The following FAM13B variants were observed in gnomAD, a reference collection of about 807,000 sequenced individuals.
The protein encoded by FAM13B is family with sequence similarity 13 member B.
FAM13B carries 60 observed loss-of-function variants against 117.3 expected under a neutral mutation model. The ratio of observed to expected loss-of-function variants is 0.51; its 90% CI spans 0.42 to 0.63. The LOEUF (loss-of-function observed/expected upper bound fraction) is 0.63. FAM13B is among the 30% of genes least tolerant of loss of function. The pLI, the probability that FAM13B is intolerant of heterozygous loss-of-function variation, is 0.00. For synonymous variants in FAM13B, 332 were observed against 356.1 expected, an observed-to-expected ratio of 0.93 and a Z score of 0.76; for missense variants, 972 against 1,091.9, an observed-to-expected ratio of 0.89 and a Z score of 1.55.
intron 1 of FAM13B, among the ~76,000 whole-genome samples, chr5:138,025,313 A>T (rs11242412): frequency 0.69 from 76,692 of 111,192 alleles, 26,158 homozygotes; most frequent in East Asian, 0.96. Flanking sequence ...ATATATATGT[A>T]TTTTTTTTTT....
intron 10 of FAM13B, among the ~76,000 whole-genome samples, chr5:137,963,470 A>T (rs1390514088): frequency 6.6e-6 from 1 of 152,240 alleles, no homozygotes; most frequent in Admixed American, 6.5e-5. Flanking sequence ...TTTTAAATTT[A>T]CCAGTTTTAA....
chr5:137,948,374 A>T (rs897562316), intron 18 of FAM13B, among the ~76,000 whole-genome samples: 8 of 152,120 alleles, frequency 5.3e-5, no homozygotes, highest in African/African-American at 1.9e-4. Context: ...ACAGGATTCA[A>T]GCTAAGGTCT....
chr5:138,043,661 A>G (rs564269216), intron 1 of FAM13B, among the ~76,000 whole-genome samples: 18 of 151,912 alleles, frequency 1.2e-4, no homozygotes, highest in Middle Eastern at 6.8e-3. Flanking sequence ...ACTGGTCTCG[A>G]ACTCCTGACC....
At chr5:137,960,031 T>C (rs1053104937) in intron 12 of FAM13B, 135 bp downstream of exon 12, 4 of 692,234 alleles carry the variant, frequency 5.8e-6, no homozygotes, top group African/African-American at 3.7e-5. Flanking sequence ...ATTAAGTTGC[T>C]GTTTAACTGT....
chr5:138,021,088 T>G lies in FAM13B; in HGVS notation c.-93A>C. On this transcript the variant is annotated 5_prime_UTR_variant, in exon 2 of 24. Coordinates refer to ENST00000689681, the MANE Select transcript of FAM13B (RefSeq NM_001385994.1). ...TGGCTTCTGCACCAGCTACCCTCAC[T>G]GAGCAAGCATTCTTTTGTCATTTAT... The G allele has an allele frequency of 8.1e-7, 1 of 1,231,698 alleles. No individual in the cohort carries two copies. Among genetic ancestry groups the G allele is most frequent in the Non-Finnish European group, 1.0e-6 (1 of 987,940 alleles). 76.3% of individuals were successfully genotyped at this position (1,231,698 alleles called of 1,614,324 possible).
intron 10 of FAM13B, among the ~76,000 whole-genome samples, chr5:137,972,473 G>A (rs1260071990): frequency 2.7e-5 from 4 of 150,686 alleles, no homozygotes; most frequent in Non-Finnish European, 6.0e-5. Context: ...AATAATAAGA[G>A]CTATCTATGA....
chr5:137,953,583 T>C, intron 15 of FAM13B, 118 bp from the exon 16 acceptor site: 1 of 1,034,796 alleles, frequency 9.7e-7, no homozygotes, highest in Non-Finnish European at 1.4e-6. Context: ...AATAAGTCCC[T>C]AACACTAAAG....
intron 7 of FAM13B, among the ~76,000 whole-genome samples, chr5:138,005,409 G>A (rs1479776058): frequency 2.6e-5 from 4 of 151,320 alleles, no homozygotes; most frequent in Non-Finnish European, 5.9e-5. Flanking sequence ...TTCAATTCCA[G>A]TAAATGTATC....
At chr5:138,033,609 G>A (rs1003669801), upstream of FAM13B, among the ~76,000 whole-genome samples, 21 of 152,320 alleles carry the variant, frequency 1.4e-4, no homozygotes, top group African/African-American at 4.8e-4. Context: ...AGGCTTCGGT[G>A]CCTTAGTCTG....
chr5:137,988,628 G>A (rs1777834169), intron 7 of FAM13B, among the ~76,000 whole-genome samples: 2 of 152,104 alleles, frequency 1.3e-5, no homozygotes, highest in African/African-American at 4.8e-5. Flanking sequence ...AATACCCAAG[G>A]AGTTACAATT....
intron 7 of FAM13B, among the ~76,000 whole-genome samples, chr5:138,002,786 C>T (rs1420247334): frequency 6.6e-6 from 1 of 150,562 alleles, no homozygotes; most frequent in African/African-American, 2.4e-5. Context: ...CTGCCTCAGC[C>T]TCCCGAGTAG....
At chr5:137,970,041 A>G (rs1163909146) in intron 10 of FAM13B, among the ~76,000 whole-genome samples, 1 of 152,232 alleles carries the variant, frequency 6.6e-6, no homozygotes. Flanking sequence ...ATTCTGCAGG[A>G]TATTATCCAG....
intron 1 of FAM13B, among the ~76,000 whole-genome samples, chr5:138,041,844 G>A (rs1309818947): frequency 6.6e-6 from 1 of 151,586 alleles, no homozygotes; most frequent in African/African-American, 2.4e-5. Flanking sequence ...CAAGCCTGCA[G>A]TAAGCACCAC....
chr5:137,980,994 C>T (rs1166178635), intron 10 of FAM13B, among the ~76,000 whole-genome samples: 6 of 151,194 alleles, frequency 4.0e-5, no homozygotes, highest in Non-Finnish European at 7.4e-5. Context: ...CGCACTGCAG[C>T]CTTACCTCCT....
At chr5:137,948,100 C>T (rs1763935187) in intron 18 of FAM13B, among the ~76,000 whole-genome samples, 2 of 151,484 alleles carry the variant, frequency 1.3e-5, no homozygotes, top group African/African-American at 4.9e-5. Context: ...AAATCTCATC[C>T]AATATAAGAT....
intron 23 of FAM13B, among the ~76,000 whole-genome samples, chr5:137,940,857 A>G (rs1761515663): frequency 6.6e-6 from 1 of 152,216 alleles, no homozygotes; most frequent in Admixed American, 6.5e-5. Flanking sequence ...TTTTCTCCCA[A>G]TAATACAATG....
At chr5:137,999,967 G>T (rs915913381) in intron 7 of FAM13B, among the ~76,000 whole-genome samples, 10 of 152,070 alleles carry the variant, frequency 6.6e-5, no homozygotes, top group African/African-American at 1.2e-4. Flanking sequence ...ATTAAATGCA[G>T]AAGAAAATGT....
At position 137,954,601 on chromosome 5, in the gene FAM13B, T is replaced by A. The variant is rs191476345; in HGVS notation, c.1508-225A>T. 5.1e-5 allele frequency: 11 copies of A among 214,810 alleles called. No homozygotes were observed. The East Asian group carries it at 1.0e-3, about 20-fold the overall frequency. The allele number at this position is 214,810 out of a possible 1,614,324, so 13.3% of individuals were successfully genotyped here. On this transcript the variant is annotated intron_variant, in intron 14 of 23. Transcript: ENST00000689681. ...TAGTTTAAAATTATTCAAGCTTCAC[T>A]TTTTAGTCCAGAGTTCAATTTTTTT...
rs375989835 is a variant in FAM13B at position 137,968,091 on chromosome 5, G to A, written c.1180-5622C>T. Among the ~76,000 whole-genome samples, 40 of 151,382 alleles carry A rather than the reference G, an allele frequency of 2.6e-4. 1 individual carries two copies. Among genetic ancestry groups the A allele is most frequent in the Middle Eastern group, 3.2e-3 (1 of 316 alleles). On this transcript the variant is annotated intron_variant, in intron 10 of 23. Transcript: ENST00000689681. ...ACAAAAATTAGCCAGGCGTAGTGGC[G>A]TGTGCCTATAATCCCAGCTACTCGG...
Sources: allele counts gnomAD v4.1 joint callset (sites outside exome capture counted in the v4.1 genomes callset), GRCh38; gene constraint gnomAD v4.1.1; transcripts MANE v1.5; gene names NCBI Gene and HGNC (gene_info 2026-07-23, HGNC 2026-07-21).